GPBP1: variants seen among roughly 807,000 people sequenced by gnomAD.
GPBP1 encodes the protein GC-rich promoter binding protein 1, also known as vasculin.
GPBP1 carries 13 observed loss-of-function variants against 56.5 expected under a neutral mutation model. That is an observed-to-expected ratio of 0.23 (90% CI 0.15 to 0.37). The LOEUF (loss-of-function observed/expected upper bound fraction) is 0.37, where lower values mean the gene tolerates loss of function less well. Among genes scored for constraint, GPBP1 ranks in the 10% least tolerant of loss-of-function variants. The pLI, the probability that GPBP1 is intolerant of heterozygous loss-of-function variation, is 1.00. For synonymous variants in GPBP1, 204 were observed against 188.9 expected, an observed-to-expected ratio of 1.08 and a Z score of -0.66; for missense variants, 477 against 572.3, an observed-to-expected ratio of 0.83 and a Z score of 1.70.
intron 2 of GPBP1, among the ~76,000 whole-genome samples, chr5:57,198,854 C>G (rs1754877938): frequency 6.6e-6 from 1 of 152,104 alleles, no homozygotes; most frequent in Non-Finnish European, 1.5e-5. Flanking sequence ...TTTGGTACTT[C>G]AGTGTCATTT....
At chr5:57,210,025 CAGTA>C (rs1561340773) in intron 2 of GPBP1, among the ~76,000 whole-genome samples, 1 of 152,062 alleles carries the variant, frequency 6.6e-6, no homozygotes, top group Non-Finnish European at 1.5e-5. Flanking sequence ...ATTATAAAGA[CAGTA>C]AGTTTGTTAT....
At chr5:57,213,297 C>G (rs1755570599) in intron 2 of GPBP1, among the ~76,000 whole-genome samples, 1 of 152,052 alleles carries the variant, frequency 6.6e-6, no homozygotes, top group Non-Finnish European at 1.5e-5. Context: ...GTGATCTGCC[C>G]TCCTCGGCCT....
intron 5 of GPBP1, among the ~76,000 whole-genome samples, chr5:57,235,734 T>A (rs765499622): frequency 1.7e-4 from 26 of 152,178 alleles, no homozygotes; most frequent in Non-Finnish European, 3.4e-4. Context: ...CGTTTATTAT[T>A]TCAGCATCCT....
At chr5:57,251,575 CTT>C (rs201993755) in intron 10 of GPBP1, among the ~76,000 whole-genome samples, 40 of 133,196 alleles carry the variant, frequency 3.0e-4, no homozygotes, top group Admixed American at 3.7e-4. Context: ...GTTTCCACCT[CTT>C]TTTTTTTTTT....
chr5:57,184,791 C>T (rs1414275353), intron 2 of GPBP1, among the ~76,000 whole-genome samples: 3 of 152,168 alleles, frequency 2.0e-5, no homozygotes, highest in Non-Finnish European at 2.9e-5. Context: ...CATCGTCAGT[C>T]CCTGTAAAGT....
intron 2 of GPBP1, among the ~76,000 whole-genome samples, chr5:57,205,656 T>G (rs897914948): frequency 7.9e-5 from 12 of 152,064 alleles, no homozygotes; most frequent in African/African-American, 2.9e-4. Flanking sequence ...TGGTTTTGAT[T>G]TGCATTTCCC....
chr5:57,212,945 G>A (rs1405787760), intron 2 of GPBP1, among the ~76,000 whole-genome samples: 1 of 152,024 alleles, frequency 6.6e-6, no homozygotes, highest in African/African-American at 2.4e-5. Context: ...CTCCCTCAAA[G>A]TGATGGGATT....
At chr5:57,250,643 A>G (rs1580077134) in intron 9 of GPBP1, among the ~76,000 whole-genome samples, 2 of 151,862 alleles carry the variant, frequency 1.3e-5, no homozygotes, top group East Asian at 3.9e-4. Flanking sequence ...CCTAGGTTCA[A>G]GCAATTCTCC....
rs572952551 is a variant in GPBP1 at position 57,175,813 on chromosome 5, T to C, written c.-645T>C. The C allele has an allele frequency of 1.2e-3, 478 of 397,134 alleles. 1 individual carries two copies. The highest frequency in any genetic ancestry group is 7.0e-3 in the African/African-American group (341 of 48,748). 24.6% of individuals were successfully genotyped at this position (397,134 alleles called of 1,614,324 possible). A position where few individuals can be genotyped will look rare whatever the true frequency, so the allele number is the denominator to read the frequency against. Reference sequence around the variant, plus strand: ...AGTAGTTTCAGCAGTTTCAAATGACTGAGTATTGCTGAAGTTTCATGGCAG... The same window carrying C: ...AGTAGTTTCAGCAGTTTCAAATGACCGAGTATTGCTGAAGTTTCATGGCAG... On this transcript the variant is annotated 5_prime_UTR_variant, in exon 2 of 12. Coordinates refer to ENST00000506184, the MANE Select transcript of GPBP1 (RefSeq NM_022913.4).
At chr5:57,243,879 A>G (rs549106979) in intron 6 of GPBP1, among the ~76,000 whole-genome samples, 11 of 151,440 alleles carry the variant, frequency 7.3e-5, no homozygotes, top group Non-Finnish European at 1.3e-4. Flanking sequence ...TGTAGAGACA[A>G]AGTTTCACTA....
chr5:57,247,916 A>C (rs553199246), intron 8 of GPBP1, among the ~76,000 whole-genome samples: 15 of 151,684 alleles, frequency 9.9e-5, no homozygotes, highest in Non-Finnish European at 1.8e-4. Context: ...CTAATTTTTT[A>C]CTTTTTGTAG....
At chr5:57,236,308 G>C (rs992073494) in intron 6 of GPBP1, among the ~76,000 whole-genome samples, 1 of 152,118 alleles carries the variant, frequency 6.6e-6, no homozygotes, top group African/African-American at 2.4e-5. Context: ...GTAATGAATT[G>C]ATACCATTTT....
chr5:57,246,617 T>C (rs1741102784), intron 7 of GPBP1, 133 bp downstream of exon 7: 1 of 614,884 alleles, frequency 1.6e-6, no homozygotes, highest in African/African-American at 1.8e-5. Flanking sequence ...TGGCAAGAGT[T>C]GACCCATATG....
rs558072058 is a variant in GPBP1, at chr5:57,247,781, T to C, written c.804+566T>C. 1.1e-4 allele frequency among the ~76,000 whole-genome samples: 16 copies of C among 152,272 alleles called. No homozygotes were observed. The South Asian group carries it at 1.7e-3, about 16-fold the overall frequency. On this transcript the variant is annotated intron_variant, in intron 8 of 11. Transcript: ENST00000506184. ...GGTGGTAGGAGGGACAGAGTCTCTG[T>C]TGCTCAGGCTGGAGTACAGTGGCTC...
chr5:57,189,531 T>C (rs577759659), intron 2 of GPBP1, among the ~76,000 whole-genome samples: 9 of 150,526 alleles, frequency 6.0e-5, no homozygotes, highest in Admixed American at 2.0e-4. Flanking sequence ...GTGCTGGGAT[T>C]ACAGGCCTGA....
At chr5:57,220,686 C>T (rs1561349560) in intron 3 of GPBP1, among the ~76,000 whole-genome samples, 2 of 152,092 alleles carry the variant, frequency 1.3e-5, no homozygotes, top group Non-Finnish European at 2.9e-5. Context: ...TCTTGAACTC[C>T]TGACCTCAGG....
At chr5:57,185,655 C>T (rs1034611400) in intron 2 of GPBP1, among the ~76,000 whole-genome samples, 2 of 151,942 alleles carry the variant, frequency 1.3e-5, no homozygotes, top group Non-Finnish European at 2.9e-5. Context: ...ATGATAGCAT[C>T]TTTCCGTGTG....
intron 2 of GPBP1, among the ~76,000 whole-genome samples, chr5:57,191,792 C>T (rs1308520018): frequency 1.3e-5 from 2 of 152,042 alleles, no homozygotes; most frequent in Non-Finnish European, 2.9e-5. Flanking sequence ...AATCTCTTGA[C>T]CTCATGATCC....
rs964664370 is a variant in GPBP1 at position 57,231,434 on chromosome 5, C to T, written c.411+113C>T. 96 of 812,366 alleles carry T rather than the reference C, an allele frequency of 1.2e-4. 1 individual carries two copies. The South Asian group carries it at 1.3e-3, about 11-fold the overall frequency. 50.3% of individuals were successfully genotyped at this position (812,366 alleles called of 1,614,324 possible). ...GATTACAGGCATCCACCACCAGGCC[C>T]GCCTAATTTTTATATTTTTGTAGAG... On this transcript the variant is annotated intron_variant, in intron 5 of 11. Transcript: ENST00000506184.
Sources: allele counts gnomAD v4.1 joint callset (sites outside exome capture counted in the v4.1 genomes callset), GRCh38; gene constraint gnomAD v4.1.1; transcripts MANE v1.5; gene names NCBI Gene and HGNC (gene_info 2026-07-23, HGNC 2026-07-21).